Variants in ANKRD26 observed in about 807,000 individuals in gnomAD.
The protein encoded by ANKRD26 is ankyrin repeat domain-containing protein 26.
Under a neutral mutation model 208.7 loss-of-function variants are expected in ANKRD26, and 141 were observed. The ratio of observed to expected loss-of-function variants is 0.68; its 90% CI spans 0.59 to 0.78. The LOEUF (loss-of-function observed/expected upper bound fraction) is 0.78. Among genes scored for constraint, ANKRD26 ranks in the 30% least tolerant of loss-of-function variants. ANKRD26 has a pLI of 0.00. For missense variants in ANKRD26, 1,889 were observed against 1,938.7 expected (o/e 0.97, Z 0.48); for synonymous variants, 636 against 660.4 (o/e 0.96, Z 0.57).
At chr10:26,985,616 GT>G (rs2052373942) in intron 3 of ANKRD26, among the ~76,000 whole-genome samples, 1 of 152,142 alleles carries the variant, frequency 6.6e-6, no homozygotes, top group African/African-American at 2.4e-5. Flanking sequence ...GCTTTCAGTG[GT>G]GTCCAACTTA....
rs190916550 is a variant in ANKRD26 at position 26,992,197 on chromosome 10, G to A, written c.*30-192C>T. ...GCAGGATTGCCTGATCTAATTCTTC[G>A]CTTTATTTTTCTTTTGGCTTTATGA... On this transcript the variant is annotated intron_variant, in intron 5 of 5. Coordinates refer to the ANKRD26 transcript ENST00000445828. Among the ~76,000 whole-genome samples the A allele has an allele frequency of 1.8e-3, 274 of 152,050 alleles. 2 individuals carry two copies. The highest frequency in any genetic ancestry group is 4.1e-4 in the Non-Finnish European group (28 of 67,990).
At chr10:27,089,549 T>C (rs1230104539) in intron 4 of ANKRD26, among the ~76,000 whole-genome samples, 3 of 152,240 alleles carry the variant, frequency 2.0e-5, no homozygotes, top group Non-Finnish European at 2.9e-5. Context: ...TCCAGCACTT[T>C]GGAAAGCCAA....
intron 1 of ANKRD26, among the ~76,000 whole-genome samples, chr10:27,099,563 G>C (rs1388113850): frequency 3.2e-5 from 1 of 31,638 alleles, no homozygotes; most frequent in Admixed American, 3.0e-4. Flanking sequence ...TATTAGAGTT[G>C]GGGGGGGGGG....
intron 26 of ANKRD26, 24 bp from the exon 27 acceptor site, chr10:27,028,969 T>C: frequency 6.5e-7 from 1 of 1,547,782 alleles, no homozygotes; most frequent in Non-Finnish European, 8.9e-7. Context: ...TTTAAAATAA[T>C]TATTCTCACA....
intron 23 of ANKRD26, among the ~76,000 whole-genome samples, chr10:27,036,794 T>C (rs1014045398): frequency 6.6e-6 from 1 of 152,174 alleles, no homozygotes; most frequent in Non-Finnish European, 1.5e-5. Flanking sequence ...TTTTCCTCCT[T>C]TCCTATGGGT....
chr10:26,993,696 C>A (rs1471961868), intron 5 of ANKRD26, among the ~76,000 whole-genome samples: 2 of 152,120 alleles, frequency 1.3e-5, no homozygotes, highest in African/African-American at 2.4e-5. Flanking sequence ...ATTGTATTTT[C>A]TTACACCAGC....
the ANKRD26 span, among the ~76,000 whole-genome samples, chr10:26,955,523 C>T: frequency 6.6e-6 from 1 of 151,580 alleles, no homozygotes; most frequent in Non-Finnish European, 1.5e-5. Context: ...AAATATGTTC[C>T]AATCCAATTT....
intron 31 of ANKRD26, among the ~76,000 whole-genome samples, chr10:27,013,606 T>C (rs2053190971): frequency 6.6e-6 from 1 of 152,210 alleles, no homozygotes; most frequent in African/African-American, 2.4e-5. Context: ...AAAGCCCAGC[T>C]AAAAATACTT....
At chr10:27,007,038 C>A in intron 32 of ANKRD26, 76 bp from the exon 33 acceptor site, 1 of 1,073,260 alleles carries the variant, frequency 9.3e-7, no homozygotes, top group Non-Finnish European at 1.4e-6. Flanking sequence ...GTATCACTTA[C>A]AAAATGTGGC....
chr10:27,042,425 T>C (rs894958318), intron 20 of ANKRD26, among the ~76,000 whole-genome samples: 1 of 151,632 alleles, frequency 6.6e-6, no homozygotes, highest in Non-Finnish European at 1.5e-5. Context: ...GAGACCAGCC[T>C]GGCCAACATG....
Position 27,039,959 on chromosome 10 carries a change from T to C in ANKRD26, c.2375+6A>G, listed in dbSNP as rs2054175217. The C allele has an allele frequency of 1.9e-6, 3 of 1,610,836 alleles. No homozygotes were observed. Among genetic ancestry groups the C allele is most frequent in the Non-Finnish European group, 2.5e-6 (3 of 1,177,604 alleles). On this transcript the variant is annotated splice_donor_region_variant and intron_variant, in intron 21 of 33. Transcript: ENST00000376087. The stretch of plus-strand genomic sequence containing the variant: ...TAAACATTTCTTTAAAACTAGGCTA[T>C]CATACCTCAAAGAGCACAGTTCTCG...
chr10:27,092,265 C>A, intron 4 of ANKRD26, 141 bp downstream of exon 4: 2 of 648,022 alleles, frequency 3.1e-6, no homozygotes, highest in South Asian at 1.8e-5. Context: ...ATATTTCTGA[C>A]TTGAGTGAGA....
chr10:27,094,357 TCTTACTACTCACCACATTA>T (rs1246828523), intron 1 of ANKRD26, among the ~76,000 whole-genome samples: 1 of 150,616 alleles, frequency 6.6e-6, no homozygotes. Context: ...ATTTATTAGC[TCTTACTACTCACCACATTA>T]ATGAAAGAGC....
the ANKRD26 span, among the ~76,000 whole-genome samples, chr10:26,951,013 C>CTTTTTTTTTT: frequency 1.5e-3 from 147 of 100,876 alleles, 13 homozygotes; most frequent in African/African-American, 6.2e-3. Flanking sequence ...CTTTTCTTTT[C>CTTTTTTTTTT]TTTTTCTTTT....
chr10:27,068,760 A>G (rs925283296), intron 9 of ANKRD26, among the ~76,000 whole-genome samples: 1 of 152,088 alleles, frequency 6.6e-6, no homozygotes, highest in Non-Finnish European at 1.5e-5. Context: ...GTAAACATAG[A>G]TAAACATGGG....
In ANKRD26 at chr10:27,017,791, A is replaced by T; in HGVS notation, c.4217T>A (p.Ile1406Asn). ...CTCCAGTTCTGCTGTAAGATCATCA[A>T]TCTGAATGAAGACAATAATATAGTG... ...DIQINKLKHK[I>N]DDLTAELETA... Residue 1406 changes from isoleucine to asparagine, a missense_variant and splice_region_variant, in exon 30 of 34, where the codon ATT becomes AAT. This residue lies in a region of ANKRD26 where 613 missense variants were observed against 648.2 expected (regional missense o/e 0.95). Transcript: ENST00000376087. 1 of 1,611,840 alleles carries T rather than the reference A, an allele frequency of 6.2e-7. No homozygotes were observed. Among genetic ancestry groups the T allele is most frequent in the Non-Finnish European group, 8.5e-7 (1 of 1,179,664 alleles).
chr10:26,976,861 G>A (rs1387822053), intron 5 of ANKRD26, among the ~76,000 whole-genome samples: 1 of 152,082 alleles, frequency 6.6e-6, no homozygotes, highest in Non-Finnish European at 1.5e-5. Context: ...AGGTGCACCT[G>A]CCATGTGTTG....
At chr10:27,001,393 T>C (rs145352061), downstream of ANKRD26, among the ~76,000 whole-genome samples, 529 of 152,260 alleles carry the variant, frequency 3.5e-3, 3 homozygotes, top group African/African-American at 0.012. Context: ...AGAGGTTTAA[T>C]AGGTGAGAGA....
At chr10:27,069,485 T>G (rs1395633104) in intron 9 of ANKRD26, among the ~76,000 whole-genome samples, 4 of 152,084 alleles carry the variant, frequency 2.6e-5, no homozygotes, top group African/African-American at 9.7e-5. Flanking sequence ...TTGGTGGTTT[T>G]TTTTTCAGAG....
Sources: allele counts gnomAD v4.1 joint callset (sites outside exome capture counted in the v4.1 genomes callset), GRCh38; gene constraint gnomAD v4.1.1; regional missense constraint gnomAD v4.1.1; transcripts MANE v1.5; gene names NCBI Gene and HGNC (gene_info 2026-07-23, HGNC 2026-07-21).